The following ECSCR variants were observed in gnomAD, a reference collection of about 807,000 sequenced individuals.
The protein encoded by ECSCR is endothelial cell surface expressed chemotaxis and apoptosis regulator, also known as endothelial cell-specific chemotaxis regulator.
ECSCR carries 12 observed loss-of-function variants against 16.7 expected under a neutral mutation model. The observed-to-expected ratio is 0.72, with a 90% CI of 0.46 to 1.17. ECSCR has a LOEUF of 1.17. ECSCR is among the 50% of genes most tolerant of loss of function. The pLI, the probability that ECSCR is intolerant of heterozygous loss-of-function variation, is 0.00. For synonymous variants in ECSCR, 44 were observed against 42.2 expected (o/e 1.04, Z -0.17); for missense variants, 122 against 116.1 (o/e 1.05, Z -0.23).
At chr5:139,457,833 G>T in intron 2 of ECSCR, 26 bp from the exon 3 acceptor site, 1 of 1,592,242 alleles carries the variant, frequency 6.3e-7, no homozygotes, top group Non-Finnish European at 8.6e-7. Flanking sequence ...TGAGGCTGAG[G>T]GGTGCACCGC....
Position 139,462,741 on chromosome 5 carries a change from AG to A in ECSCR, c.-72del. On this transcript the variant is annotated 5_prime_UTR_variant, in exon 1 of 10. Transcript: ENST00000618155. ...TGTCCATAGTGGAGAAGAGAGAGGGAGTGCTGGGGCGGGATGGGGGTGGGGA... is the reference window on the plus strand; with the variant it reads ...TGTCCATAGTGGAGAAGAGAGAGGGATGCTGGGGCGGGATGGGGGTGGGGA... The A allele has an allele frequency of 2.2e-6, 1 of 446,810 alleles. No homozygotes were observed. The highest frequency in any genetic ancestry group is 7.5e-5 in the East Asian group (1 of 13,352). The allele number at this position is 446,810 out of a possible 1,614,324, so 27.7% of individuals were successfully genotyped here.
Position 139,462,690 on chromosome 5 carries a change from G to A in ECSCR, c.-20C>T. ...GCCCATGTCAGCTGGGTATGTGGCG[G>A]GCAGGCAGCAGCTCAGTGGAGGCTC... On this transcript the variant is annotated 5_prime_UTR_variant, in exon 1 of 10. Transcript: ENST00000618155. 6.4e-7 allele frequency: 1 copy of A among 1,574,544 alleles called. No individual in the cohort carries two copies. The highest frequency in any genetic ancestry group is 8.6e-7 in the Non-Finnish European group (1 of 1,161,728).
intron 5 of ECSCR, 104 bp from the exon 6 acceptor site, chr5:139,455,540 C>T (rs1281607390): frequency 2.6e-6 from 1 of 389,102 alleles, no homozygotes; most frequent in Non-Finnish European, 4.5e-6. Context: ...AGAATTTATG[C>T]TGCAGAGCTA....
intron 8 of ECSCR, among the ~76,000 whole-genome samples, chr5:139,449,847 A>G (rs1750997347): frequency 6.6e-6 from 1 of 151,552 alleles, no homozygotes; most frequent in Non-Finnish European, 1.5e-5. Flanking sequence ...TCAGCGTCCC[A>G]AAGTACTGAG....
At chr5:139,456,757 G>A (rs987443597) in intron 4 of ECSCR, among the ~76,000 whole-genome samples, 5 of 152,200 alleles carry the variant, frequency 3.3e-5, no homozygotes, top group Non-Finnish European at 7.3e-5. Context: ...CCAAGGTCCT[G>A]TCTCTACGCC....
chr5:139,454,244 G>GT (rs1751108464), intron 8 of ECSCR, among the ~76,000 whole-genome samples: 1 of 148,052 alleles, frequency 6.8e-6, no homozygotes. Flanking sequence ...GGGGTCGTGT[G>GT]GTGTGTGAGA....
intron 1 of ECSCR, among the ~76,000 whole-genome samples, chr5:139,459,077 T>C (rs1451068588): frequency 2.0e-5 from 3 of 152,100 alleles, no homozygotes; most frequent in Non-Finnish European, 4.4e-5. Context: ...ACCAACCTGA[T>C]GCAGAGTCAG....
At chr5:139,451,298 G>A (rs1751039019) in intron 8 of ECSCR, among the ~76,000 whole-genome samples, 1 of 149,896 alleles carries the variant, frequency 6.7e-6, no homozygotes, top group Non-Finnish European at 1.5e-5. Flanking sequence ...GTGTGGGGGA[G>A]TGTGTATGTG....
In ECSCR at chr5:139,448,710, AAG is replaced by A; in HGVS notation, c.*188_*189del. The A allele has an allele frequency of 7.0e-7, 1 of 1,421,458 alleles. No individual in the cohort carries two copies. The highest frequency in any genetic ancestry group is 9.2e-7 in the Non-Finnish European group (1 of 1,091,486). 88.1% of individuals were successfully genotyped at this position (1,421,458 alleles called of 1,614,324 possible). A position where few individuals can be genotyped will look rare whatever the true frequency, so the allele number is the denominator to read the frequency against. ...TTCCACAGCAGCTGTCCATACAGGA[AAG>A]AGTCTCCCCTGTTGGTAGCTTGCTC... is the stretch of plus-strand genomic sequence containing the variant. On this transcript the variant is annotated 3_prime_UTR_variant, in exon 10 of 10. Coordinates refer to ENST00000618155, the MANE Select transcript of ECSCR (RefSeq NM_001077693.4).
Position 139,462,592 on chromosome 5 carries a change from G to T in ECSCR, c.61+18C>A. 5.7e-6 allele frequency: 9 copies of T among 1,590,246 alleles called. No homozygotes were observed. Among genetic ancestry groups the T allele is most frequent in the Non-Finnish European group, 7.7e-6 (9 of 1,168,758 alleles). ...TGCGGAGAGGAATTGCCATGGGAAA[G>T]CGGCAGGCACCTCTTACCTCGGAAC... On this transcript the variant is annotated intron_variant, in intron 1 of 9. Coordinates refer to ENST00000618155, the MANE Select transcript of ECSCR (RefSeq NM_001077693.4).
At chr5:139,455,270 A>T (rs1377087617) in intron 6 of ECSCR, 53 bp downstream of exon 6, 1 of 397,974 alleles carries the variant, frequency 2.5e-6, no homozygotes, top group African/African-American at 2.1e-5. Context: ...AGTCCAAGTT[A>T]ATTCCAGGGG....
chr5:139,452,068 G>A (rs1219354381), intron 8 of ECSCR, among the ~76,000 whole-genome samples: 1 of 149,936 alleles, frequency 6.7e-6, no homozygotes, highest in Non-Finnish European at 1.5e-5. Flanking sequence ...GTGGGGGTGT[G>A]TGTATAGTAT....
intron 4 of ECSCR, among the ~76,000 whole-genome samples, chr5:139,456,998 C>T (rs1009154032): frequency 1.3e-4 from 20 of 152,364 alleles, no homozygotes; most frequent in African/African-American, 1.7e-4. Context: ...CTCGGCATCA[C>T]GGGTTTACTG....
At chr5:139,458,050 G>A (rs935725006) in intron 2 of ECSCR, 89 bp downstream of exon 2, 1 of 1,411,354 alleles carries the variant, frequency 7.1e-7, no homozygotes, top group South Asian at 1.2e-5. Flanking sequence ...AGCCCCCTGA[G>A]GTTAAGGCTA....
chr5:139,462,527 G>A (rs1751329989), intron 1 of ECSCR, 83 bp downstream of exon 1: 1 of 1,356,532 alleles, frequency 7.4e-7, no homozygotes, highest in East Asian at 2.5e-5. Context: ...TGGAAAGCAT[G>A]TGTCTCCTGA....
intron 1 of ECSCR, among the ~76,000 whole-genome samples, chr5:139,462,188 C>T (rs190859563): frequency 3.6e-4 from 55 of 152,284 alleles, no homozygotes; most frequent in Non-Finnish European, 3.2e-4. Flanking sequence ...GAGAACAGAT[C>T]CCCTGTGAAG....
intron 8 of ECSCR, among the ~76,000 whole-genome samples, chr5:139,451,189 ATGTGGTGTGGGGTG>A (rs1440047994): frequency 7.4e-6 from 1 of 135,392 alleles, no homozygotes; most frequent in Non-Finnish European, 1.6e-5. Context: ...GTGTGTGTGT[ATGTGGTGTGGGGTG>A]TGTGTGGTAT....
intron 7 of ECSCR, 27 bp downstream of exon 7, chr5:139,454,798 A>G: frequency 2.5e-6 from 1 of 398,400 alleles, no homozygotes; most frequent in South Asian, 1.3e-4. Flanking sequence ...CAGAGGGGAA[A>G]AAGATCCCCG....
At chr5:139,450,240 C>G (rs758984841) in intron 8 of ECSCR, among the ~76,000 whole-genome samples, 15 of 152,144 alleles carry the variant, frequency 9.9e-5, no homozygotes, top group Non-Finnish European at 1.9e-4. Context: ...TCTCGGCTTA[C>G]ACCTATAATC....
Sources: gnomAD v4.1 joint callset for allele counts (sites outside exome capture counted in the v4.1 genomes callset) on GRCh38, gnomAD v4.1.1 for gene constraint, MANE v1.5 for transcripts, NCBI Gene and HGNC (gene_info 2026-07-23, HGNC 2026-07-21) for gene names.